Variants in NELL1 observed in about 807,000 individuals in gnomAD.
NELL1 encodes neural EGFL like 1, also known as protein kinase C-binding protein NELL1.
Under a neutral mutation model 107.4 loss-of-function variants are expected in NELL1, and 76 were observed. The ratio of observed to expected loss-of-function variants is 0.71; its 90% CI spans 0.59 to 0.86. The LOEUF is 0.86. Among genes scored for constraint, NELL1 ranks in the 40% least tolerant of loss-of-function variants. The probability of loss-of-function intolerance (pLI) is 0.00; values close to 1 mark genes in which losing one functional copy is unlikely to be tolerated. For missense variants in NELL1, 1,024 were observed against 1,005.5 expected, an observed-to-expected ratio of 1.02 and a Z score of -0.25; for synonymous variants, 353 against 341.2, an observed-to-expected ratio of 1.03 and a Z score of -0.38.
chr11:20,721,134 C>T (rs546987966), intron 2 of NELL1, among the ~76,000 whole-genome samples: 1 of 143,460 alleles, frequency 7.0e-6, no homozygotes, highest in South Asian at 2.1e-4. Context: ...TCCTTTCTGC[C>T]CACTGCATGG....
At chr11:21,418,205 C>T (rs936615788) in intron 15 of NELL1, among the ~76,000 whole-genome samples, 3 of 151,952 alleles carry the variant, frequency 2.0e-5, no homozygotes, top group East Asian at 3.9e-4. Flanking sequence ...AGGGTTTCTG[C>T]TTCTGGGGAT....
Position 21,199,892 on chromosome 11 carries a change from C to T in NELL1, c.1427-29440C>T, listed in dbSNP as rs144842604. On this transcript the variant is annotated intron_variant, in intron 13 of 19. Coordinates refer to ENST00000357134, the MANE Select transcript of NELL1 (RefSeq NM_006157.5). ...ACTCCCGCTTATGAGTGAGAACATG[C>T]GGTGTTTGGTTTTCTGTTCTTGTGT... Among the ~76,000 whole-genome samples, 1,179 of 150,698 alleles carry T rather than the reference C, an allele frequency of 7.8e-3. 13 individuals carry two copies. The highest frequency in any genetic ancestry group is 0.026 in the African/African-American group (1,076 of 41,018).
chr11:21,169,828 T>C (rs953989943), intron 13 of NELL1: 23 of 1,406,834 alleles, frequency 1.6e-5, no homozygotes, highest in Non-Finnish European at 2.1e-5. Context: ...CTGAGCCCGA[T>C]GCAAGTGCTT....
At chr11:21,048,790 C>G (rs1409908429) in intron 12 of NELL1, among the ~76,000 whole-genome samples, 1 of 152,066 alleles carries the variant, frequency 6.6e-6, no homozygotes, top group East Asian at 1.9e-4. Flanking sequence ...TCTCATTTTC[C>G]TCTGTTGGCA....
chr11:20,829,765 C>A (rs1857966059), intron 3 of NELL1, among the ~76,000 whole-genome samples: 1 of 152,018 alleles, frequency 6.6e-6, no homozygotes, highest in Admixed American at 6.6e-5. Flanking sequence ...GAGTTTCTGA[C>A]ATTTCCTCAT....
rs1462633089 is a variant in NELL1, at chr11:20,989,933, C to T, written c.1300+29373C>T. ...AATGGCATGAACCCGGGAGGCAGAG[C>T]TTGCAGTGAGCCGAGATCGCGCCAC... On this transcript the variant is annotated intron_variant, in intron 12 of 19. Transcript: ENST00000357134. 2.7e-5 allele frequency among the ~76,000 whole-genome samples: 4 copies of T among 150,442 alleles called. No individual in the cohort carries two copies. The East Asian group carries it at 5.9e-4, about 22-fold the overall frequency.
intron 12 of NELL1, among the ~76,000 whole-genome samples, chr11:21,064,863 C>A (rs191709986): frequency 1.3e-5 from 2 of 152,216 alleles, no homozygotes; most frequent in African/African-American, 4.8e-5. Flanking sequence ...AATTATTTGA[C>A]CTGGATTACC....
intron 14 of NELL1, among the ~76,000 whole-genome samples, chr11:21,257,547 C>G (rs1488995351): frequency 6.6e-6 from 1 of 151,882 alleles, no homozygotes; most frequent in Non-Finnish European, 1.5e-5. Context: ...TTGAGACAAC[C>G]TAGTATGTCA....
At chr11:21,388,234 CG>C (rs1851791541) in intron 15 of NELL1, among the ~76,000 whole-genome samples, 1 of 151,692 alleles carries the variant, frequency 6.6e-6, no homozygotes, top group Admixed American at 6.6e-5. Flanking sequence ...ATTTCTACAT[CG>C]GGGCAGTGGG....
chr11:21,275,960 A>C (rs1848847448), intron 14 of NELL1, among the ~76,000 whole-genome samples: 1 of 152,200 alleles, frequency 6.6e-6, no homozygotes, highest in Admixed American at 6.5e-5. Flanking sequence ...AATAGGCAAA[A>C]ACTGGAAGCA....
At position 20,988,736 on chromosome 11, in the gene NELL1, G is replaced by A. The variant is rs186971012; in HGVS notation, c.1300+28176G>A. 3.3e-5 allele frequency among the ~76,000 whole-genome samples: 5 copies of A among 151,380 alleles called. No individual in the cohort carries two copies. In the East Asian group the frequency reaches 7.8e-4, roughly 24 times the overall value. On this transcript the variant is annotated intron_variant, in intron 12 of 19. Transcript: ENST00000357134. ...CTCCTGAGTAGCTGAGACGACAGGC[G>A]CCCGCCACCACACCTATTTTTTTTT...
chr11:20,685,099 C>A (rs1854276510), intron 2 of NELL1, among the ~76,000 whole-genome samples: 1 of 151,900 alleles, frequency 6.6e-6, no homozygotes, highest in African/African-American at 2.4e-5. Flanking sequence ...GTGCCTTGGT[C>A]TCCCCAGACT....
At chr11:20,720,972 C>A (rs1030222705) in intron 2 of NELL1, among the ~76,000 whole-genome samples, 4 of 151,942 alleles carry the variant, frequency 2.6e-5, no homozygotes, top group African/African-American at 4.8e-5. Context: ...TTGTCTGATG[C>A]AGCCAATAGT....
intron 13 of NELL1, among the ~76,000 whole-genome samples, chr11:21,126,817 C>A (rs1164046791): frequency 6.6e-6 from 1 of 152,164 alleles, no homozygotes; most frequent in Admixed American, 6.5e-5. Context: ...GCTTTAGGCT[C>A]ATGAGTTAAC....
intron 14 of NELL1, among the ~76,000 whole-genome samples, chr11:21,360,084 C>G (rs756980241): frequency 6.6e-6 from 1 of 151,868 alleles, no homozygotes; most frequent in African/African-American, 2.4e-5. Flanking sequence ...GATCTTAGAT[C>G]ATCTATTTGT....
At chr11:21,352,039 G>A (rs1472623947) in intron 14 of NELL1, among the ~76,000 whole-genome samples, 1 of 151,968 alleles carries the variant, frequency 6.6e-6, no homozygotes, top group African/African-American at 2.4e-5. Flanking sequence ...ACTAAGTATG[G>A]TCCTCCATGA....
intron 2 of NELL1, among the ~76,000 whole-genome samples, chr11:20,736,781 G>A (rs1206276171): frequency 4.1e-5 from 6 of 145,864 alleles, no homozygotes; most frequent in East Asian, 2.1e-4. Flanking sequence ...TTGAGACAGA[G>A]TCTTGCTCTG....
At chr11:20,847,817 A>G in intron 4 of NELL1, 64 bp downstream of exon 4, 1 of 1,484,864 alleles carries the variant, frequency 6.7e-7, no homozygotes, top group South Asian at 1.3e-5. Flanking sequence ...AAAAGGGGAA[A>G]AAATATCAAA....
In NELL1 at chr11:20,941,647, C is replaced by A. The variant is rs546760559; in HGVS notation, c.1071+3788C>A. On this transcript the variant is annotated intron_variant, in intron 10 of 19. Transcript: ENST00000357134. ...TGCCTAGTGCCTTGTGCCGAACTGT[C>A]AAACCTATTCCTTTTCTGCCTAACA... Among the ~76,000 whole-genome samples the A allele has an allele frequency of 1.6e-3, 250 of 152,312 alleles. 2 individuals are homozygous for A. In the Middle Eastern group the frequency reaches 0.024, roughly 15 times the overall value.
Sources: allele counts gnomAD v4.1 joint callset (sites outside exome capture counted in the v4.1 genomes callset), GRCh38; gene constraint gnomAD v4.1.1; transcripts MANE v1.5; gene names NCBI Gene and HGNC (gene_info 2026-07-23, HGNC 2026-07-21).